The following CCNY variants were observed in gnomAD, a reference collection of about 807,000 sequenced individuals.
The protein encoded by CCNY is cyclin Y.
Under a neutral mutation model 42.8 loss-of-function variants are expected in CCNY, and 19 were observed. The ratio of observed to expected loss-of-function variants is 0.44; its 90% confidence interval spans 0.31 to 0.65. The LOEUF (loss-of-function observed/expected upper bound fraction) is 0.65, where lower values mean the gene tolerates loss of function less well. Among genes scored for constraint, CCNY ranks in the 30% least tolerant of loss-of-function variants. The probability of loss-of-function intolerance (pLI) is 0.07; values close to 1 mark genes in which losing one functional copy is unlikely to be tolerated. For synonymous variants in CCNY, 165 were observed against 162.7 expected (o/e 1.01, Z -0.11); for missense variants, 370 against 437.3 (o/e 0.85, Z 1.37).
intron 1 of CCNY, among the ~76,000 whole-genome samples, chr10:35,464,031 AG>A (rs1839208533): frequency 6.6e-6 from 1 of 152,184 alleles, no homozygotes; most frequent in South Asian, 2.1e-4. Flanking sequence ...CTGGAGGAAA[AG>A]GTTCTAGGAA....
chr10:35,314,736 T>C (rs959311318), intron 3 of CCNY: 1 of 152,188 alleles, frequency 6.6e-6, no homozygotes, highest in African/African-American at 2.4e-5. Context: ...TGTCATTTAC[T>C]TATGCTAGCA....
At position 35,337,085 on chromosome 10, in the gene CCNY, C is replaced by G; in HGVS notation, c.32C>G (p.Ser11Cys). The G allele has an allele frequency of 1.3e-6, 2 of 1,593,930 alleles. No individual in the cohort carries two copies. The highest frequency in any genetic ancestry group is 8.5e-7 in the Non-Finnish European group (1 of 1,172,068). Residue 11 changes from serine to cysteine, a missense_variant, in exon 1 of 10, where the codon TCC becomes TGC. By Grantham distance (112) the Ser-to-Cys change is moderately radical. Coordinates refer to ENST00000374704, the MANE Select transcript of CCNY (RefSeq NM_145012.6). Reference sequence around the variant, plus strand: ...AACACTACCTCGTGCTGCGTGTCGTCCAGTCCCAAGCTCCGGAGGAATGCC... The same window carrying G: ...AACACTACCTCGTGCTGCGTGTCGTGCAGTCCCAAGCTCCGGAGGAATGCC... The part of the protein sequence containing the change: MGNTTSCCVS[S>C]SPKLRRNAHS...
chr10:35,285,287 C>T (rs1017569455), intron 3 of CCNY, among the ~76,000 whole-genome samples: 2 of 152,146 alleles, frequency 1.3e-5, no homozygotes, highest in Admixed American at 6.5e-5. Context: ...CCGCCCACCT[C>T]GGCCTCCCAA....
At position 35,449,798 on chromosome 10, in the gene CCNY, C is replaced by T. The variant is rs540560320; in HGVS notation, c.155-33606C>T. 5.1e-6 allele frequency: 5 copies of T among 985,308 alleles called. No individual in the cohort carries two copies. In the East Asian group the frequency reaches 5.7e-4, roughly 112 times the overall value. 61.0% of individuals were successfully genotyped at this position (985,308 alleles called of 1,614,324 possible). A position where few individuals can be genotyped will look rare whatever the true frequency, so the allele number is the denominator to read the frequency against. On this transcript the variant is annotated intron_variant, in intron 1 of 9. Transcript: ENST00000374704. The stretch of plus-strand genomic sequence containing the variant: ...GTGCTTCTCCTGGCCTCTGTCTTCT[C>T]AGCTGAACGGACAGTAAGTTGAGAG...
chr10:35,314,615 T>C (rs1835732057), intron 3 of CCNY: 1 of 152,174 alleles, frequency 6.6e-6, no homozygotes, highest in Admixed American at 6.5e-5. Flanking sequence ...TTTTCTTGTA[T>C]TTTATTTCCA....
Position 35,251,844 on chromosome 10 carries a change from G to A in CCNY, c.-9+1218G>A, listed in dbSNP as rs572946527. Among the ~76,000 whole-genome samples the A allele has an allele frequency of 9.2e-5, 14 of 152,112 alleles. No individual in the cohort carries two copies. The South Asian group carries it at 2.9e-3, about 32-fold the overall frequency. ...GTGCAAGTGATCTGCCTGTTTCGGC[G>A]GCCCAAACTGCTAGGATTGCAGGCA... On this transcript the variant is annotated intron_variant, in intron 3 of 11. Transcript: ENST00000374706.
At chr10:35,424,908 C>CT (rs1838233764) in intron 1 of CCNY, among the ~76,000 whole-genome samples, 1 of 152,162 alleles carries the variant, frequency 6.6e-6, no homozygotes, top group African/African-American at 2.4e-5. Context: ...GTTGGGGAGT[C>CT]TAAGTGAAGA....
At chr10:35,509,832 T>C (rs968412785) in intron 3 of CCNY, among the ~76,000 whole-genome samples, 1 of 152,216 alleles carries the variant, frequency 6.6e-6, no homozygotes, top group Admixed American at 6.5e-5. Flanking sequence ...GTTCTTGAAT[T>C]CCACTCCACC....
chr10:35,542,619 G>A (rs1841026770), intron 7 of CCNY, among the ~76,000 whole-genome samples: 4 of 152,316 alleles, frequency 2.6e-5, no homozygotes, highest in South Asian at 4.1e-4. Context: ...AGCCTGGGGA[G>A]GCCTTGGCAG....
At chr10:35,429,047 T>C (rs1431214865) in intron 1 of CCNY, among the ~76,000 whole-genome samples, 1 of 152,254 alleles carries the variant, frequency 6.6e-6, no homozygotes, top group Non-Finnish European at 1.5e-5. Flanking sequence ...AAATTCGTTT[T>C]GCTCAAAAAT....
intron 1 of CCNY, among the ~76,000 whole-genome samples, chr10:35,450,201 A>G (rs1838886407): frequency 6.6e-6 from 1 of 151,994 alleles, no homozygotes. Flanking sequence ...GGGTGGAAGA[A>G]TTTACAGGGT....
intron 3 of CCNY, among the ~76,000 whole-genome samples, chr10:35,310,497 A>T (rs1043657369): frequency 6.6e-6 from 1 of 152,206 alleles, no homozygotes; most frequent in African/African-American, 2.4e-5. Context: ...TATGGTTTCC[A>T]TGGCTGTATT....
intron 1 of CCNY, among the ~76,000 whole-genome samples, chr10:35,429,650 C>T (rs1838341664): frequency 6.6e-6 from 1 of 152,148 alleles, no homozygotes; most frequent in Admixed American, 6.5e-5. Flanking sequence ...ACTGTAACGT[C>T]CCTAGTTCAG....
Position 35,483,440 on chromosome 10 carries a change from G to A in CCNY, c.191G>A (p.Arg64Gln), listed in dbSNP as rs767710998. 8 of 1,608,250 alleles carry A rather than the reference G, an allele frequency of 5.0e-6. No individual in the cohort carries two copies. In the South Asian group the frequency reaches 5.5e-5, roughly 11 times the overall value. ...NMEFNPSDHP[R>Q]ASTIFLSKSQ... ...GAATTCAATCCTTCAGATCATCCTC[G>A]GGCCAGCACAATATTCCTCAGTAAA... is the stretch of plus-strand genomic sequence containing the variant. Residue 64 changes from arginine to glutamine, a missense_variant, in exon 2 of 10, where the codon CGG becomes CAG. This residue lies in a region of CCNY where 136 missense variants were observed against 124.2 expected (regional missense o/e 1.09). Transcript: ENST00000374704.
intron 2 of CCNY, among the ~76,000 whole-genome samples, chr10:35,485,902 C>G (rs1375562700): frequency 1.3e-5 from 2 of 152,138 alleles, no homozygotes; most frequent in Non-Finnish European, 1.5e-5. Flanking sequence ...CTATTTGTCC[C>G]TCTAATGTAG....
intron 2 of CCNY, among the ~76,000 whole-genome samples, chr10:35,487,198 AT>A (rs1043119143): frequency 2.0e-5 from 3 of 151,748 alleles, no homozygotes; most frequent in African/African-American, 7.3e-5. Flanking sequence ...CTTCTACCCT[AT>A]TTTTTTTCTA....
intron 2 of CCNY, among the ~76,000 whole-genome samples, chr10:35,487,035 G>A (rs1224729727): frequency 6.6e-6 from 1 of 152,208 alleles, no homozygotes; most frequent in Non-Finnish European, 1.5e-5. Flanking sequence ...TAGAGGAAAA[G>A]GATCATGTGA....
rs559619784 is a variant in CCNY at position 35,263,712 on chromosome 10, C to G, written c.-9+13086C>G. ...AATTTTTATTTTAAGTTCCGGGATA[C>G]ATGTGCAGGATGTGCAGATTTGTTA... On this transcript the variant is annotated intron_variant, in intron 3 of 11. Transcript: ENST00000374706. Among the ~76,000 whole-genome samples, 3 of 152,222 alleles carry G rather than the reference C, an allele frequency of 2.0e-5. No individual in the cohort carries two copies. The South Asian group carries it at 6.2e-4, about 32-fold the overall frequency.
At chr10:35,479,718 C>T (rs181095158) in intron 1 of CCNY, among the ~76,000 whole-genome samples, 53 of 151,456 alleles carry the variant, frequency 3.5e-4, no homozygotes, top group Admixed American at 1.1e-3. Context: ...TGTAACTAAC[C>T]TGCACAATGT....
Sources: allele counts gnomAD v4.1 joint callset (sites outside exome capture counted in the v4.1 genomes callset), GRCh38; gene constraint gnomAD v4.1.1; regional missense constraint gnomAD v4.1.1; transcripts MANE v1.5; gene names NCBI Gene and HGNC (gene_info 2026-07-23, HGNC 2026-07-21).